Variants in FRAS1 observed in about 807,000 individuals in gnomAD.
FRAS1 encodes the protein Fraser extracellular matrix complex subunit 1.
In FRAS1, 290 loss-of-function variants were observed where a neutral mutation model predicts 435.2. That is an observed-to-expected ratio of 0.67 (90% CI 0.61 to 0.73). The LOEUF (loss-of-function observed/expected upper bound fraction) is 0.73. Among genes scored for constraint, FRAS1 ranks in the 30% least tolerant of loss-of-function variants. The pLI, the probability that FRAS1 is intolerant of heterozygous loss-of-function variation, is 0.00. For synonymous variants in FRAS1, 1,800 were observed against 1,851.0 expected (o/e 0.97, Z 0.71); for missense variants, 4,860 against 5,001.5 (o/e 0.97, Z 0.85).
chr4:78,075,740 C>G (rs1009825571), intron 2 of FRAS1, among the ~76,000 whole-genome samples: 1 of 152,146 alleles, frequency 6.6e-6, no homozygotes, highest in African/African-American at 2.4e-5. Flanking sequence ...TAGATGCTCG[C>G]AATTGAGAAT....
At chr4:78,164,583 C>T (rs1721263750) in intron 2 of FRAS1, among the ~76,000 whole-genome samples, 1 of 151,978 alleles carries the variant, frequency 6.6e-6, no homozygotes, top group Non-Finnish European at 1.5e-5. Context: ...AAATGTAAGT[C>T]ATTACTATAT....
At chr4:78,260,188 T>C (rs1259428710) in intron 6 of FRAS1, among the ~76,000 whole-genome samples, 1 of 151,868 alleles carries the variant, frequency 6.6e-6, no homozygotes, top group Non-Finnish European at 1.5e-5. Context: ...CAATGCGGGC[T>C]CTTTTTTGGT....
At chr4:78,430,262 T>A (rs551024744) in intron 36 of FRAS1, 30 bp from the exon 37 acceptor site, 2 of 1,613,510 alleles carry the variant, frequency 1.2e-6, no homozygotes, top group East Asian at 4.5e-5. Context: ...ACGCTTTCTC[T>A]CTCACCACGC....
At chr4:78,259,806 G>A (rs1286018020) in intron 6 of FRAS1, among the ~76,000 whole-genome samples, 1 of 150,702 alleles carries the variant, frequency 6.6e-6, no homozygotes, top group African/African-American at 2.4e-5. Context: ...GAATGGTAAT[G>A]CCTAGGTTTT....
rs115705965 is a variant in FRAS1 at position 78,291,228 on chromosome 4, A to G, written c.1534+4689A>G. ...ATTCCATTTAGGGCAGCAGTCCCCA[A>G]CCTTTTTGGCACGAGGTACTGGTTT... is the stretch of plus-strand genomic sequence containing the variant. On this transcript the variant is annotated intron_variant, in intron 14 of 73. Transcript: ENST00000512123. 1.9e-3 allele frequency among the ~76,000 whole-genome samples: 293 copies of G among 152,258 alleles called. 2 individuals are homozygous for G. The highest frequency in any genetic ancestry group is 6.7e-3 in the African/African-American group (278 of 41,552).
intron 2 of FRAS1, among the ~76,000 whole-genome samples, chr4:78,226,084 A>G (rs1724257143): frequency 6.6e-6 from 1 of 152,170 alleles, no homozygotes; most frequent in Admixed American, 6.5e-5. Context: ...AGATATTACA[A>G]TGTGTTAATC....
At chr4:78,340,727 G>C (rs1227316806) in intron 20 of FRAS1, among the ~76,000 whole-genome samples, 1 of 152,164 alleles carries the variant, frequency 6.6e-6, no homozygotes, top group East Asian at 1.9e-4. Context: ...CCAAGATCAA[G>C]GTGCCCGCAG....
rs1402707792 is a variant in FRAS1, at chr4:78,110,421, G to C, written c.108+44405G>C. On this transcript the variant is annotated intron_variant, in intron 2 of 73. Transcript: ENST00000512123. Reference sequence around the variant, plus strand: ...AACAGAGATATAGATCAATGGAACAGAACAGAGCCCTCAGAAATAATGCCG... The same window carrying C: ...AACAGAGATATAGATCAATGGAACACAACAGAGCCCTCAGAAATAATGCCG... 2.6e-5 allele frequency among the ~76,000 whole-genome samples: 3 copies of C among 113,864 alleles called. No homozygotes were observed. In the Admixed American group the frequency reaches 3.0e-4, roughly 11 times the overall value. 74.7% of individuals were successfully genotyped at this position (113,864 alleles called of 152,430 possible).
At chr4:78,152,732 C>T (rs1258513540) in intron 2 of FRAS1, among the ~76,000 whole-genome samples, 1 of 147,340 alleles carries the variant, frequency 6.8e-6, no homozygotes, top group Non-Finnish European at 1.5e-5. Flanking sequence ...TTGACTGATT[C>T]CCCAGACACT....
intron 27 of FRAS1, among the ~76,000 whole-genome samples, chr4:78,380,380 A>C (rs955921975): frequency 6.6e-6 from 1 of 152,098 alleles, no homozygotes; most frequent in Non-Finnish European, 1.5e-5. Context: ...ATTCTTTTCA[A>C]GGTGTTGTAT....
At chr4:78,276,823 C>T (rs1727066156) in intron 9 of FRAS1, among the ~76,000 whole-genome samples, 1 of 152,172 alleles carries the variant, frequency 6.6e-6, no homozygotes, top group Non-Finnish European at 1.5e-5. Context: ...GCTTGGAGGA[C>T]CACTTTTCTC....
Position 78,445,523 on chromosome 4 carries a change from T to A in FRAS1, c.5667T>A (p.Gly1889=), listed in dbSNP as rs1257386376. ...KYGCIENTGT[G]DRFGPETASD... is the part of the protein sequence containing the mutation. ...AATGCTCTCTTGATGTTGATGCAGG[T>A]GATCGTTTTGGCCCTGAAACTGCCA... is the stretch of plus-strand genomic sequence containing the variant. Residue 1889 remains glycine (G), a splice_region_variant and synonymous_variant, in exon 42 of 74, where the codon GGT becomes GGA. Coordinates refer to ENST00000512123, the MANE Select transcript of FRAS1 (RefSeq NM_025074.7). The A allele has an allele frequency of 6.4e-7, 1 of 1,564,506 alleles. No individual in the cohort carries two copies. Among genetic ancestry groups the A allele is most frequent in the African/African-American group, 1.4e-5 (1 of 73,810 alleles).
chr4:78,230,086 T>C (rs1724455705), intron 2 of FRAS1, among the ~76,000 whole-genome samples: 3 of 152,248 alleles, frequency 2.0e-5, no homozygotes, highest in African/African-American at 7.2e-5. Context: ...CATGCTGTTG[T>C]TTCTGTATAC....
chr4:78,301,852 T>TG (rs1172976877), intron 14 of FRAS1, among the ~76,000 whole-genome samples: 5 of 147,796 alleles, frequency 3.4e-5, no homozygotes, highest in African/African-American at 1.0e-4. Flanking sequence ...AACAGTTTTT[T>TG]TTTTTTTTTT....
chr4:78,092,890 T>C (rs1238473362), intron 2 of FRAS1, among the ~76,000 whole-genome samples: 1 of 152,220 alleles, frequency 6.6e-6, no homozygotes, highest in African/African-American at 2.4e-5. Context: ...AGGCTCTTTC[T>C]TTTCTATATA....
At chr4:78,530,356 G>A (rs1022920112) in intron 70 of FRAS1, among the ~76,000 whole-genome samples, 3 of 151,844 alleles carry the variant, frequency 2.0e-5, no homozygotes, top group Non-Finnish European at 4.4e-5. Flanking sequence ...CAGAGTTGGG[G>A]GTCCTTGCTT....
At chr4:78,234,604 T>A (rs1188812678) in intron 2 of FRAS1, among the ~76,000 whole-genome samples, 1 of 152,204 alleles carries the variant, frequency 6.6e-6, no homozygotes, top group African/African-American at 2.4e-5. Context: ...TTGAGTAATG[T>A]GCTATAGCAA....
chr4:78,142,091 C>T (rs1197907911), intron 2 of FRAS1, among the ~76,000 whole-genome samples: 2 of 151,896 alleles, frequency 1.3e-5, no homozygotes, highest in Admixed American at 6.6e-5. Context: ...AAAGAACTTA[C>T]TCATATAACC....
At chr4:78,081,342 G>C (rs143142421) in intron 2 of FRAS1, among the ~76,000 whole-genome samples, 2 of 152,246 alleles carry the variant, frequency 1.3e-5, no homozygotes, top group Admixed American at 6.5e-5. Context: ...TGTGAAAGAG[G>C]ATCTGGATTG....
Sources: gnomAD v4.1 joint callset for allele counts (sites outside exome capture counted in the v4.1 genomes callset) on GRCh38, gnomAD v4.1.1 for gene constraint, MANE v1.5 for transcripts, NCBI Gene and HGNC (gene_info 2026-07-23, HGNC 2026-07-21) for gene names.